HERC1: variants seen among roughly 807,000 people sequenced by gnomAD.
HERC1 encodes the protein HECT and RLD domain containing E3 ubiquitin protein ligase family member 1, also known as probable E3 ubiquitin-protein ligase HERC1.
Under a neutral mutation model 554.3 loss-of-function variants are expected in HERC1, and 160 were observed. The observed-to-expected ratio is 0.29, with a 90% CI of 0.25 to 0.33. The LOEUF (loss-of-function observed/expected upper bound fraction) is 0.33, where lower values mean the gene tolerates loss of function less well. Ranked by LOEUF, HERC1 falls within the 10% of genes least tolerant of loss-of-function variation. The pLI, the probability that HERC1 is intolerant of heterozygous loss-of-function variation, is 1.00. For synonymous variants in HERC1, 2,175 were observed against 2,131.7 expected (o/e 1.02, Z -0.56); for missense variants, 4,919 against 5,918.5 (o/e 0.83, Z 5.54).
At chr15:63,630,991 T>C (rs2068524629) in intron 68 of HERC1, among the ~76,000 whole-genome samples, 1 of 152,220 alleles carries the variant, frequency 6.6e-6, no homozygotes, top group Non-Finnish European at 1.5e-5. Context: ...TGTTCTTTTT[T>C]GAGACAGGGT....
chr15:63,625,185 A>T (rs2068248675), intron 71 of HERC1, among the ~76,000 whole-genome samples: 1 of 152,164 alleles, frequency 6.6e-6, no homozygotes, highest in South Asian at 2.1e-4. Flanking sequence ...CTAGTCCATA[A>T]AGATAGACAA....
chr15:63,710,955 A>G (rs1016374065), intron 24 of HERC1, among the ~76,000 whole-genome samples: 12 of 152,326 alleles, frequency 7.9e-5, no homozygotes, highest in Admixed American at 5.2e-4. Flanking sequence ...GACCCCTGTA[A>G]GGACTTAGAC....
At chr15:63,824,856 A>C (rs1250371814) in intron 1 of HERC1, among the ~76,000 whole-genome samples, 2 of 151,830 alleles carry the variant, frequency 1.3e-5, no homozygotes, top group South Asian at 4.2e-4. Flanking sequence ...AAAAAAAAAA[A>C]CACTAAATGA....
At chr15:63,799,924 G>A (rs2076925636) in intron 1 of HERC1, among the ~76,000 whole-genome samples, 1 of 152,126 alleles carries the variant, frequency 6.6e-6, no homozygotes, top group Non-Finnish European at 1.5e-5. Context: ...AGGAGTTTGA[G>A]ACCAGCCTGA....
chr15:63,625,669 G>A (rs1211488868), intron 71 of HERC1, among the ~76,000 whole-genome samples: 1 of 150,194 alleles, frequency 6.7e-6, no homozygotes, highest in Non-Finnish European at 1.5e-5. Context: ...ACTCCAGCCT[G>A]GGCGACAGAG....
At chr15:63,644,455 G>A (rs899910800) in intron 57 of HERC1, among the ~76,000 whole-genome samples, 20 of 151,722 alleles carry the variant, frequency 1.3e-4, no homozygotes, top group Admixed American at 6.6e-5. Flanking sequence ...TCTAGAAACT[G>A]ACAATCAGCT....
chr15:63,698,713 A>G lies in HERC1; in HGVS notation c.4905+15T>C, dbSNP rs967896418. The G allele has an allele frequency of 1.2e-6, 2 of 1,607,914 alleles. No homozygotes were observed. Among genetic ancestry groups the G allele is most frequent in the Non-Finnish European group, 8.5e-7 (1 of 1,176,416 alleles). On this transcript the variant is annotated intron_variant, in intron 26 of 77. Coordinates refer to ENST00000443617, the MANE Select transcript of HERC1 (RefSeq NM_003922.4). ...TTTCCAGAGCTCTCATAAGGAGTAA[A>G]TATCAAAGACTTACTTCTGCCCTTA...
intron 1 of HERC1, among the ~76,000 whole-genome samples, chr15:63,813,513 C>T (rs868509670): frequency 1.3e-5 from 2 of 151,980 alleles, no homozygotes; most frequent in Admixed American, 6.6e-5. Context: ...AATCAATAAC[C>T]CCAAAGTCTA....
intron 1 of HERC1, among the ~76,000 whole-genome samples, chr15:63,776,085 T>C (rs13379670): frequency 0.13 from 20,151 of 151,698 alleles, 1,808 homozygotes; most frequent in Middle Eastern, 0.21. Context: ...TTTCTTCAGA[T>C]GTACCTTTTC....
chr15:63,661,092 G>C (rs946011405), intron 45 of HERC1, 67 bp from the exon 46 acceptor site: 2 of 1,133,868 alleles, frequency 1.8e-6, no homozygotes, highest in Non-Finnish European at 1.3e-6. Context: ...TGCAAATTAA[G>C]TCATTAGAAC....
chr15:63,818,792 A>G (rs2145636523), intron 1 of HERC1, among the ~76,000 whole-genome samples: 1 of 152,332 alleles, frequency 6.6e-6, no homozygotes, highest in South Asian at 2.1e-4. Context: ...TTTAGAAGCT[A>G]CCAGACTTTC....
At chr15:63,737,738 G>GA (rs2074611169) in intron 12 of HERC1, among the ~76,000 whole-genome samples, 1 of 151,276 alleles carries the variant, frequency 6.6e-6, no homozygotes, top group Non-Finnish European at 1.5e-5. Context: ...ATATCATTTT[G>GA]AAATGTGAGA....
chr15:63,692,547 A>C lies in HERC1; in HGVS notation c.5694T>G (p.His1898Gln). 6.2e-7 allele frequency: 1 copy of C among 1,608,656 alleles called. No homozygotes were observed. Among genetic ancestry groups the C allele is most frequent in the Non-Finnish European group, 8.5e-7 (1 of 1,178,340 alleles). ...AATCCCCTAGATGGAGTTCGGCTGC[A>C]TGTTGTTTCCTAAGAGCAGCTACAG... ...KDFRAALRKQHAAELHLGDFL... is the reference protein window; with the variant it reads ...KDFRAALRKQQAAELHLGDFL... Residue 1898 changes from histidine (H) to glutamine (Q), a missense_variant, in exon 31 of 78, where the codon CAT (histidine) becomes CAG (glutamine). His to Gln is a conservative substitution (Grantham distance 24, BLOSUM62 0). Transcript: ENST00000443617. This position sits in a 1 kb window ranked among gnomAD's most constrained non-coding sequence, Gnocchi z 4.7.
In HERC1 at chr15:63,652,408, A is replaced by G. The variant is rs946121145; in HGVS notation, c.10418+6T>C. On this transcript the variant is annotated splice_donor_region_variant and intron_variant, in intron 52 of 77. Transcript: ENST00000443617. ...TAAATGGTATACACGTGATGTTAGC[A>G]CTCACAATCTGTTGAACACACAGGT... 19 of 1,611,872 alleles carry G rather than the reference A, an allele frequency of 1.2e-5. No individual in the cohort carries two copies. Among genetic ancestry groups the G allele is most frequent in the Non-Finnish European group, 1.6e-5 (19 of 1,178,532 alleles).
intron 3 of HERC1, 80 bp downstream of exon 3, chr15:63,764,016 G>T (rs976387387): frequency 1.4e-6 from 1 of 690,354 alleles, no homozygotes; most frequent in South Asian, 1.7e-5. Flanking sequence ...CAGAGAAAAT[G>T]GATTATTTTT....
intron 74 of HERC1, among the ~76,000 whole-genome samples, chr15:63,618,090 T>C (rs1236653381): frequency 2.0e-5 from 3 of 152,164 alleles, no homozygotes; most frequent in African/African-American, 4.8e-5. Flanking sequence ...CATGCCTATG[T>C]CCTGAATGGT....
chr15:63,693,331 C>A lies in HERC1; in HGVS notation c.5674+633G>T, dbSNP rs571561243. Among the ~76,000 whole-genome samples, 4 of 151,798 alleles carry A rather than the reference C, an allele frequency of 2.6e-5. No individual in the cohort carries two copies. The East Asian group carries it at 5.8e-4, about 22-fold the overall frequency. ...TGATCTCAGCTCACTGCAATCTCCA[C>A]CTCCCGGGTTCAAGTGATTCTTGTG... is the stretch of plus-strand genomic sequence containing the variant. On this transcript the variant is annotated intron_variant, in intron 30 of 77. Coordinates refer to ENST00000443617, the MANE Select transcript of HERC1 (RefSeq NM_003922.4).
intron 3 of HERC1, among the ~76,000 whole-genome samples, chr15:63,761,812 G>C (rs1250345525): frequency 1.3e-5 from 2 of 152,072 alleles, no homozygotes; most frequent in African/African-American, 4.8e-5. Flanking sequence ...TCTCATCCTT[G>C]TATCTTTGGG....
intron 43 of HERC1, among the ~76,000 whole-genome samples, chr15:63,663,648 A>G (rs2152938195): frequency 6.6e-6 from 1 of 152,230 alleles, no homozygotes; most frequent in Admixed American, 6.5e-5. Flanking sequence ...TTGTAAAGAC[A>G]GGGTCTTGCT....
Sources: allele counts gnomAD v4.1 joint callset (sites outside exome capture counted in the v4.1 genomes callset), GRCh38; gene constraint gnomAD v4.1.1; non-coding constraint Gnocchi (gnomAD v3.1); transcripts MANE v1.5; gene names NCBI Gene and HGNC (gene_info 2026-07-23, HGNC 2026-07-21).